Variants in NTM observed in about 807,000 individuals in gnomAD.
NTM encodes neurotrimin, also known as IgLON family member 2.
A neutral mutation model predicts 42.1 loss-of-function variants in NTM; 13 were observed. The observed-to-expected ratio is 0.31, with a 90% CI of 0.20 to 0.49. The LOEUF is 0.49. NTM is among the 20% of genes least tolerant of loss of function. The pLI, the probability that NTM is intolerant of heterozygous loss-of-function variation, is 0.99. For synonymous variants in NTM, 187 were observed against 179.2 expected (o/e 1.04, Z -0.35); for missense variants, 373 against 452.8 (o/e 0.82, Z 1.60).
At chr11:132,222,369 T>C (rs2085344296) in intron 4 of NTM, among the ~76,000 whole-genome samples, 1 of 152,178 alleles carries the variant, frequency 6.6e-6, no homozygotes, top group Admixed American at 6.5e-5. Context: ...GTCTTGTGCA[T>C]TGATTATTAT....
intron 1 of NTM, among the ~76,000 whole-genome samples, chr11:131,797,579 A>G (rs746112681): frequency 1.3e-5 from 2 of 152,186 alleles, no homozygotes; most frequent in Non-Finnish European, 2.9e-5. Flanking sequence ...TCTTTTGCTG[A>G]TGAAGGCAAG....
At chr11:131,818,049 G>C (rs1030393387) in intron 1 of NTM, among the ~76,000 whole-genome samples, 2 of 152,194 alleles carry the variant, frequency 1.3e-5, no homozygotes, top group Admixed American at 6.5e-5. Context: ...GTACACACTT[G>C]ACACACATCA....
intron 1 of NTM, among the ~76,000 whole-genome samples, chr11:131,556,854 C>A (rs556032740): frequency 6.6e-6 from 1 of 152,188 alleles, no homozygotes; most frequent in African/African-American, 2.4e-5. Flanking sequence ...GCGTGAGCCA[C>A]CGCACCCAGC....
At chr11:132,332,164 G>C (rs2095811967) in intron 8 of NTM, 1 of 152,272 alleles carries the variant, frequency 6.6e-6, no homozygotes, top group African/African-American at 2.4e-5. Context: ...TGAAAGATGA[G>C]ATGGTGCAGA....
intron 3 of NTM, among the ~76,000 whole-genome samples, chr11:132,188,535 G>A (rs1445690788): frequency 6.6e-6 from 1 of 152,124 alleles, no homozygotes. Context: ...AAACACTTTA[G>A]TCTAGGAATA....
At chr11:132,105,426 G>T (rs1010640655) in intron 2 of NTM, among the ~76,000 whole-genome samples, 1 of 152,018 alleles carries the variant, frequency 6.6e-6, no homozygotes, top group African/African-American at 2.4e-5. Flanking sequence ...GATTGGGAGA[G>T]AAACATGAGA....
At chr11:131,736,629 C>T (rs190624109) in intron 1 of NTM, among the ~76,000 whole-genome samples, 1 of 152,136 alleles carries the variant, frequency 6.6e-6, no homozygotes, top group Non-Finnish European at 1.5e-5. Context: ...AATGTTAGCT[C>T]CATATCTGCC....
intron 2 of NTM, among the ~76,000 whole-genome samples, chr11:132,040,463 T>G (rs2077039768): frequency 6.6e-6 from 1 of 152,218 alleles, no homozygotes; most frequent in Admixed American, 6.5e-5. Context: ...GAGCTTTCAC[T>G]TTCCTCAGCA....
chr11:131,387,999 A>G (rs1943540866), intron 1 of NTM, among the ~76,000 whole-genome samples: 1 of 152,228 alleles, frequency 6.6e-6, no homozygotes, highest in African/African-American at 2.4e-5. Flanking sequence ...AGACCCCAGC[A>G]ATCTGTGTGT....
Position 132,336,418 on chromosome 11 carries a change from C to T in NTM, c.*1272C>T, listed in dbSNP as rs1203374360. ...AAAAAAAAAAACAACTAATACCGGG[C>T]GCAGCATCTTTCCAGGTGTGGCTCT... On this transcript the variant is annotated 3_prime_UTR_variant, in exon 9 of 9. Transcript: ENST00000683400. 3 of 151,828 alleles carry T rather than the reference C, an allele frequency of 2.0e-5. No individual in the cohort carries two copies. Among genetic ancestry groups the T allele is most frequent in the Non-Finnish European group, 4.4e-5 (3 of 67,904 alleles). The allele number at this position is 151,828 out of a possible 1,614,324, so 9.4% of individuals were successfully genotyped here.
At chr11:131,668,262 A>ATCTG (rs1030755250) in intron 1 of NTM, among the ~76,000 whole-genome samples, 8 of 149,404 alleles carry the variant, frequency 5.4e-5, no homozygotes, top group African/African-American at 2.0e-4. Context: ...CTATCTATCT[A>ATCTG]TCTATCTATC....
At chr11:131,986,998 G>A (rs950908310) in intron 2 of NTM, among the ~76,000 whole-genome samples, 6 of 152,204 alleles carry the variant, frequency 3.9e-5, no homozygotes, top group Admixed American at 6.5e-5. Context: ...AAAGGGGAAA[G>A]AAGGGAGAAA....
At chr11:131,738,289 C>A (rs936735748) in intron 1 of NTM, among the ~76,000 whole-genome samples, 2 of 152,194 alleles carry the variant, frequency 1.3e-5, no homozygotes, top group Admixed American at 1.3e-4. Context: ...CTGGGGTACC[C>A]CTCATCCTAT....
chr11:132,234,972 G>A (rs866071705), intron 4 of NTM, among the ~76,000 whole-genome samples: 3 of 152,170 alleles, frequency 2.0e-5, no homozygotes, highest in African/African-American at 7.2e-5. Flanking sequence ...AAATCAGGAC[G>A]GGCCTTTGGT....
chr11:131,998,534 G>A (rs376057379), intron 2 of NTM, among the ~76,000 whole-genome samples: 49 of 152,202 alleles, frequency 3.2e-4, no homozygotes, highest in East Asian at 2.3e-3. Context: ...ATTTTACCAC[G>A]TAGCTGGTTG....
chr11:131,646,928 T>C (rs904706120), intron 1 of NTM, among the ~76,000 whole-genome samples: 6 of 152,238 alleles, frequency 3.9e-5, no homozygotes, highest in African/African-American at 1.4e-4. Context: ...TATAAAGTGC[T>C]TGCTAAAGAG....
intron 3 of NTM, among the ~76,000 whole-genome samples, chr11:132,147,165 C>T (rs1476069325): frequency 7.1e-6 from 1 of 141,466 alleles, no homozygotes; most frequent in Non-Finnish European, 1.5e-5. Flanking sequence ...GTTCATGAGG[C>T]CTTGTATGTT....
rs1162427648 is a variant in NTM, at chr11:131,374,897, G to C, written c.82+4009G>C. On this transcript the variant is annotated intron_variant, in intron 1 of 8. Transcript: ENST00000683400. Reference sequence around the variant, plus strand: ...TCAATCATAGTAGAGGCACACTTTGGGTAGGATGAACAGGTCTGTGATTTG... The same window carrying C: ...TCAATCATAGTAGAGGCACACTTTGCGTAGGATGAACAGGTCTGTGATTTG... Among the ~76,000 whole-genome samples, 3 of 152,118 alleles carry C rather than the reference G, an allele frequency of 2.0e-5. No individual in the cohort carries two copies. In the South Asian group the frequency reaches 6.2e-4, roughly 32 times the overall value.
chr11:131,447,285 C>T (rs1418326899), intron 1 of NTM, among the ~76,000 whole-genome samples: 1 of 152,160 alleles, frequency 6.6e-6, no homozygotes, highest in Non-Finnish European at 1.5e-5. Flanking sequence ...CCTCTCTGAC[C>T]TTTTCCTAGC....
Sources: gnomAD v4.1 joint callset for allele counts (sites outside exome capture counted in the v4.1 genomes callset) on GRCh38, gnomAD v4.1.1 for gene constraint, MANE v1.5 for transcripts, NCBI Gene and HGNC (gene_info 2026-07-23, HGNC 2026-07-21) for gene names.